Variants in ARMH4 observed in about 807,000 individuals in gnomAD.
The protein encoded by ARMH4 is armadillo-like helical domain-containing protein 4.
In ARMH4, 49 loss-of-function variants were observed where a neutral mutation model predicts 61.9. The observed-to-expected ratio is 0.79, with a 90% CI of 0.63 to 1.00. The LOEUF is 1.00. Ranked by LOEUF, ARMH4 falls within the 50% of genes least tolerant of loss-of-function variation. The probability of loss-of-function intolerance (pLI) is 0.00; values close to 1 mark genes in which losing one functional copy is unlikely to be tolerated. For synonymous variants in ARMH4, 368 were observed against 341.5 expected (o/e 1.08, Z -0.85); for missense variants, 934 against 930.0 (o/e 1.00, Z -0.06).
chr14:58,083,713 A>T (rs1205503178), intron 5 of ARMH4, among the ~76,000 whole-genome samples: 4 of 152,256 alleles, frequency 2.6e-5, no homozygotes, highest in Non-Finnish European at 5.9e-5. Context: ...ACAGATAACA[A>T]ATAGCAAAAC....
intron 1 of ARMH4, among the ~76,000 whole-genome samples, chr14:58,151,791 G>A (rs1458392062): frequency 6.6e-6 from 1 of 152,258 alleles, no homozygotes; most frequent in African/African-American, 2.4e-5. Context: ...GCTCGCTGGT[G>A]CGGAGCTGGG....
chr14:58,098,612 A>G (rs1243389416), intron 4 of ARMH4, among the ~76,000 whole-genome samples: 1 of 152,232 alleles, frequency 6.6e-6, no homozygotes, highest in East Asian at 1.9e-4. Context: ...TTAAGTCAAC[A>G]TCTACAGGAA....
At chr14:58,076,508 T>C (rs2141235751) in intron 5 of ARMH4, among the ~76,000 whole-genome samples, 1 of 152,326 alleles carries the variant, frequency 6.6e-6, no homozygotes, top group Middle Eastern at 3.4e-3. Flanking sequence ...GTCTGCTGCC[T>C]GAATGCAGTA....
intron 5 of ARMH4, among the ~76,000 whole-genome samples, chr14:58,040,472 T>C (rs925276517): frequency 4.6e-5 from 7 of 152,228 alleles, no homozygotes; most frequent in Non-Finnish European, 8.8e-5. Flanking sequence ...ACTCCATCCA[T>C]GCTCCTGCAA....
chr14:58,111,476 C>CA (rs1337111826), intron 4 of ARMH4, among the ~76,000 whole-genome samples: 4 of 152,148 alleles, frequency 2.6e-5, no homozygotes, highest in Non-Finnish European at 5.9e-5. Context: ...GCTGTCATAA[C>CA]AAAATTCCAG....
rs200905995 is a variant in ARMH4 at position 58,138,106 on chromosome 14, G to A, written c.1253C>T (p.Thr418Met). The change falls in exon 2 of 8, where the codon ACG becomes ATG. Residue 418 changes from threonine (T) to methionine (M), a missense_variant. Coordinates refer to ENST00000267485, the MANE Select transcript of ARMH4 (RefSeq NM_001001872.4). The stretch of plus-strand genomic sequence containing the variant: ...CTTGGTGGATTCCGTGAAGTCTCCC[G>A]TACTTTGGAGCAAGTTCACAATGGA... ...KVSIVNLLQS[T>M]GDFTESTKEN... 7.4e-6 allele frequency: 12 copies of A among 1,614,146 alleles called. No individual in the cohort carries two copies. Among genetic ancestry groups the A allele is most frequent in the East Asian group, 2.2e-5 (1 of 44,886 alleles).
intron 5 of ARMH4, among the ~76,000 whole-genome samples, chr14:58,049,048 T>C (rs570546203): frequency 1.1e-4 from 16 of 152,014 alleles, no homozygotes; most frequent in South Asian, 2.1e-4. Context: ...CCATCCTGGC[T>C]AACATGGTGA....
chr14:58,080,941 A>G (rs1366305207), intron 5 of ARMH4, among the ~76,000 whole-genome samples: 1 of 151,886 alleles, frequency 6.6e-6, no homozygotes, highest in Non-Finnish European at 1.5e-5. Context: ...ATTTCTACTA[A>G]AAACAGAAAA....
intron 4 of ARMH4, among the ~76,000 whole-genome samples, chr14:58,121,347 CA>C (rs974345824): frequency 2.0e-5 from 3 of 151,346 alleles, no homozygotes; most frequent in South Asian, 4.2e-4. Context: ...GCCGGACTGG[CA>C]AAAAAAAGGC....
chr14:58,138,660 T>C lies in ARMH4; in HGVS notation c.699A>G (p.Thr233=). The change falls in exon 2 of 8, where the codon ACA becomes ACG. Residue 233 remains threonine (T), a synonymous_variant. Transcript: ENST00000267485. ...TGGACTCAGCACCAGGAAAAGAAGT[T>C]GTCCTGTGGTCTGTGTCTGCTTCAA... The part of the protein sequence containing the change: ...EKFEADTDHR[T]TSFPGAESTA... 6.2e-7 allele frequency: 1 copy of C among 1,614,190 alleles called. No individual in the cohort carries two copies. Among genetic ancestry groups the C allele is most frequent in the Non-Finnish European group, 8.5e-7 (1 of 1,180,026 alleles).
intron 5 of ARMH4, 26 bp from the exon 6 acceptor site, chr14:58,012,176 T>G: frequency 1.5e-6 from 2 of 1,303,450 alleles, no homozygotes; most frequent in South Asian, 2.7e-5. Flanking sequence ...GATAATAAAA[T>G]GAAATAACCA....
chr14:58,059,538 C>T (rs540654541), intron 5 of ARMH4, among the ~76,000 whole-genome samples: 2 of 152,334 alleles, frequency 1.3e-5, no homozygotes, highest in East Asian at 3.9e-4. Context: ...CCTTCAGCTG[C>T]TGCCTGTGGA....
intron 4 of ARMH4, among the ~76,000 whole-genome samples, chr14:58,112,068 T>C (rs894653659): frequency 6.6e-6 from 1 of 151,950 alleles, no homozygotes; most frequent in African/African-American, 2.4e-5. Context: ...AACTTAACTA[T>C]CCCCTTACAG....
chr14:58,048,966 C>G (rs1042662659), intron 5 of ARMH4, among the ~76,000 whole-genome samples: 16 of 151,904 alleles, frequency 1.1e-4, no homozygotes, highest in African/African-American at 1.2e-4. Flanking sequence ...GGCTGGGCAC[C>G]GTGGCTCATG....
At chr14:58,086,219 C>T (rs189001127) in intron 5 of ARMH4, among the ~76,000 whole-genome samples, 44 of 152,256 alleles carry the variant, frequency 2.9e-4, no homozygotes, top group East Asian at 1.9e-3. Context: ...ATTGACTCAA[C>T]GCTTCTAAGG....
At chr14:58,061,921 T>C (rs1884543328) in intron 5 of ARMH4, among the ~76,000 whole-genome samples, 1 of 151,956 alleles carries the variant, frequency 6.6e-6, no homozygotes, top group Non-Finnish European at 1.5e-5. Context: ...CTGCTTATGT[T>C]ATCTCATTTA....
At chr14:58,075,902 T>C (rs1373418594) in intron 5 of ARMH4, among the ~76,000 whole-genome samples, 1 of 152,226 alleles carries the variant, frequency 6.6e-6, no homozygotes, top group Non-Finnish European at 1.5e-5. Context: ...TCACTATCTA[T>C]ATCTTAGGGT....
chr14:58,124,575 T>C (rs1056057433), intron 4 of ARMH4, among the ~76,000 whole-genome samples: 1 of 152,238 alleles, frequency 6.6e-6, no homozygotes, highest in Non-Finnish European at 1.5e-5. Context: ...CAGGCTCTAT[T>C]ACTTGAAGGG....
intron 4 of ARMH4, among the ~76,000 whole-genome samples, chr14:58,097,761 AGTGGCGTGATCATG>A (rs1594755056): frequency 6.6e-6 from 1 of 151,046 alleles, no homozygotes; most frequent in African/African-American, 2.4e-5. Context: ...GCTGGAGTGC[AGTGGCGTGATCATG>A]GTTCACCACA....
Sources: allele counts gnomAD v4.1 joint callset (sites outside exome capture counted in the v4.1 genomes callset), GRCh38; gene constraint gnomAD v4.1.1; transcripts MANE v1.5; gene names NCBI Gene and HGNC (gene_info 2026-07-23, HGNC 2026-07-21).